Variants in CACNA1H observed in about 807,000 individuals in gnomAD.
CACNA1H encodes the protein calcium voltage-gated channel subunit alpha1 H.
CACNA1H carries 149 observed loss-of-function variants against 192.5 expected under a neutral mutation model. That is an observed-to-expected ratio of 0.77 (90% CI 0.68 to 0.89). The LOEUF (loss-of-function observed/expected upper bound fraction) is 0.89, where lower values mean the gene tolerates loss of function less well. Ranked by LOEUF, CACNA1H falls within the 40% of genes least tolerant of loss-of-function variation. The probability of loss-of-function intolerance (pLI) is 0.00; values close to 1 mark genes in which losing one functional copy is unlikely to be tolerated. For synonymous variants in CACNA1H, 2,202 were observed against 1,475.2 expected (o/e 1.49, Z -11.29); for missense variants, 4,257 against 3,423.5 (o/e 1.24, Z -6.08).
intron 2 of CACNA1H, among the ~76,000 whole-genome samples, chr16:1,193,036 A>G (rs1321745600): frequency 6.6e-6 from 1 of 152,138 alleles, no homozygotes; most frequent in Admixed American, 6.5e-5. Flanking sequence ...AGTGCCACCT[A>G]CAAGACCCCT....
intron 2 of CACNA1H, among the ~76,000 whole-genome samples, chr16:1,193,335 T>C (rs1465237120): frequency 1.3e-5 from 2 of 152,240 alleles, no homozygotes; most frequent in African/African-American, 4.8e-5. Flanking sequence ...CTTGCACTAG[T>C]GCCGGGTCAG....
In CACNA1H at chr16:1,208,002, C is replaced by T. The variant is rs371691311; in HGVS notation, c.3155-11C>T. 2.5e-6 allele frequency: 4 copies of T among 1,595,500 alleles called. No homozygotes were observed. The highest frequency in any genetic ancestry group is 3.4e-6 in the Non-Finnish European group (4 of 1,171,762). ...CAGCTCTAGGGGCCCATTCCTCCCT[C>T]TGTCCCGCAGAGCTGAAGATGTGTT... is the stretch of plus-strand genomic sequence containing the variant. On this transcript the variant is annotated splice_polypyrimidine_tract_variant and intron_variant, in intron 15 of 34. Coordinates refer to ENST00000348261, the MANE Select transcript of CACNA1H (RefSeq NM_021098.3).
At position 1,220,027 on chromosome 16, in the gene CACNA1H, G is replaced by C. The variant is rs909790756; in HGVS notation, c.6095G>C (p.Arg2032Thr). Residue 2032 changes from arginine (R) to threonine (T), a missense_variant, in exon 35 of 35, where the codon AGG becomes ACG. Physicochemically the swap from Arg to Thr is moderately conservative, Grantham distance 71. Coordinates refer to ENST00000348261, the MANE Select transcript of CACNA1H (RefSeq NM_021098.3). ...DSLEGKIDSPRDTLDPAEPGE... is the reference protein window; with the variant it reads ...DSLEGKIDSPTDTLDPAEPGE... ...TTGGAAGGGAAGATTGACAGCCCTA[G>C]GGACACCCTGGATCCTGCAGAGCCT... 4.3e-6 allele frequency: 6 copies of C among 1,406,164 alleles called. No homozygotes were observed. The highest frequency in any genetic ancestry group is 5.6e-6 in the Non-Finnish European group (6 of 1,079,736). The allele number at this position is 1,406,164 out of a possible 1,614,324, so 87.1% of individuals were successfully genotyped here. A position where few individuals can be genotyped will look rare whatever the true frequency, so the allele number is the denominator to read the frequency against.
chr16:1,187,698 G>A lies in CACNA1H; in HGVS notation c.300-7274G>A, dbSNP rs557750238. On this transcript the variant is annotated intron_variant, in intron 2 of 34. Transcript: ENST00000348261. ...CTGGAGGCCACAGCCCTGCTTGGGG[G>A]CCACTCTGACCATAGAGGAGGAGCC... Among the ~76,000 whole-genome samples, 886 of 152,258 alleles carry A rather than the reference G, an allele frequency of 5.8e-3. 11 individuals carry two copies. Among genetic ancestry groups the A allele is most frequent in the African/African-American group, 0.019 (782 of 41,544 alleles).
Position 1,207,371 on chromosome 16 carries a change from G to A in CACNA1H, c.3004G>A (p.Gly1002Ser), listed in dbSNP as rs2141308474. ...ALYFVALMTFGNYVLFNLLVA... is the reference protein window; with the variant it reads ...ALYFVALMTFSNYVLFNLLVA... ...CTACTTCGTGGCCCTCATGACCTTC[G>A]GCAACTATGTGCTCTTCAACCTGCT... The change falls in exon 14 of 35, where the codon GGC becomes AGC. Residue 1002 changes from glycine (G) to serine (S), a missense_variant. Transcript: ENST00000348261. 3.1e-6 allele frequency: 5 copies of A among 1,613,198 alleles called. No individual in the cohort carries two copies. The highest frequency in any genetic ancestry group is 1.1e-5 in the South Asian group (1 of 91,046).
At position 1,207,144 on chromosome 16, in the gene CACNA1H, T is replaced by C. The variant is rs559634973; in HGVS notation, c.2907+26T>C. 12 of 1,557,052 alleles carry C rather than the reference T, an allele frequency of 7.7e-6. No individual in the cohort carries two copies. In the East Asian group the frequency reaches 2.9e-4, roughly 37 times the overall value. ...GTAGTGCCCGGGGTCCCCGCAGCAGTGTTGGGTGCTGAGTGTGGTCCCCAG... is the reference window on the plus strand; with the variant it reads ...GTAGTGCCCGGGGTCCCCGCAGCAGCGTTGGGTGCTGAGTGTGGTCCCCAG... On this transcript the variant is annotated intron_variant, in intron 13 of 34. Transcript: ENST00000348261.
At chr16:1,205,534 G>T (rs573904278) in intron 11 of CACNA1H, among the ~76,000 whole-genome samples, 1 of 152,344 alleles carries the variant, frequency 6.6e-6, no homozygotes, top group African/African-American at 2.4e-5. Context: ...CTAGAAACTA[G>T]CGGAGCTGTT....
chr16:1,187,081 C>T (rs1222647002), intron 2 of CACNA1H, among the ~76,000 whole-genome samples: 1 of 152,270 alleles, frequency 6.6e-6, no homozygotes, highest in Non-Finnish European at 1.5e-5. Flanking sequence ...CCGCGACCGT[C>T]CCCTCCGCAC....
chr16:1,217,079 TCA>T (rs1238768368), intron 31 of CACNA1H, 69 bp downstream of exon 31: 6 of 1,335,110 alleles, frequency 4.5e-6, no homozygotes, highest in East Asian at 2.5e-5. Context: ...GCCCATCCAC[TCA>T]CACGCAGGCA....
rs899563797 is a variant in CACNA1H, at chr16:1,200,117, C to T, written c.804-139C>T. 26 of 702,594 alleles carry T rather than the reference C, an allele frequency of 3.7e-5. No homozygotes were observed. The East Asian group carries it at 4.4e-4, about 12-fold the overall frequency. The allele number at this position is 702,594 out of a possible 1,614,324, so 43.5% of individuals were successfully genotyped here. A position where few individuals can be genotyped will look rare whatever the true frequency, so the allele number is the denominator to read the frequency against. On this transcript the variant is annotated intron_variant, in intron 6 of 34. Coordinates refer to ENST00000348261, the MANE Select transcript of CACNA1H (RefSeq NM_021098.3). ...GCCCCCTGACCCTAACCGTGCCTCC[C>T]TAACCATGATTAGTCCACTGGCCCT...
At chr16:1,203,373 C>T (rs1968234087) in intron 9 of CACNA1H, among the ~76,000 whole-genome samples, 1 of 151,956 alleles carries the variant, frequency 6.6e-6, no homozygotes, top group Non-Finnish European at 1.5e-5. Context: ...TGTGCTGTGG[C>T]TGCTGGGAAG....
Position 1,211,503 on chromosome 16 carries a change from A to G in CACNA1H, c.4373A>G (p.Tyr1458Cys). The G allele has an allele frequency of 1.2e-6, 2 of 1,612,430 alleles. No individual in the cohort carries two copies. Among genetic ancestry groups the G allele is most frequent in the Middle Eastern group, 1.6e-4 (1 of 6,062 alleles). The change falls in exon 23 of 35, where the codon TAC (tyrosine) becomes TGC (cysteine). Residue 1458 changes from tyrosine (Y) to cysteine (C), a missense_variant. Coordinates refer to ENST00000348261, the MANE Select transcript of CACNA1H (RefSeq NM_021098.3). ...CAGCTCTTCAAAGGGAAGTTCTACT[A>G]CTGCGAGGGCCCCGACACCAGGAAC... The part of the protein sequence containing the change: ...GVQLFKGKFY[Y>C]CEGPDTRNIS...
intron 2 of CACNA1H, among the ~76,000 whole-genome samples, chr16:1,182,758 G>GC (rs1313648094): frequency 1.3e-5 from 2 of 152,122 alleles, no homozygotes; most frequent in East Asian, 3.9e-4. Flanking sequence ...AGAGCTCGCA[G>GC]CCCCCCGACG....
At chr16:1,200,869 G>T (rs935523360) in intron 8 of CACNA1H, 61 bp downstream of exon 8, 1 of 1,361,396 alleles carries the variant, frequency 7.3e-7, no homozygotes, top group Non-Finnish European at 1.0e-6. Context: ...TGGGGGTGGG[G>T]TGGGGTACCT....
chr16:1,176,391 C>A (rs983239491), intron 2 of CACNA1H, among the ~76,000 whole-genome samples: 1 of 152,166 alleles, frequency 6.6e-6, no homozygotes, highest in Non-Finnish European at 1.5e-5. Flanking sequence ...GAGGGCTGTC[C>A]CCGCAGAGTG....
At chr16:1,208,254 C>A (rs760351538) in intron 16 of CACNA1H, 33 bp downstream of exon 16, 9 of 1,487,392 alleles carry the variant, frequency 6.1e-6, no homozygotes, top group Non-Finnish European at 8.2e-6. Context: ...GCTCTCAGGC[C>A]CCTTCAGGTT....
chr16:1,212,521 C>T lies in CACNA1H; in HGVS notation c.4770C>T (p.Pro1590=). 12 of 1,611,128 alleles carry T rather than the reference C, an allele frequency of 7.4e-6. No individual in the cohort carries two copies. The highest frequency in any genetic ancestry group is 1.1e-5 in the South Asian group (1 of 90,760). The change falls in exon 26 of 35, where the codon CCC becomes CCT. Residue 1590 remains proline, a synonymous_variant. Coordinates refer to ENST00000348261, the MANE Select transcript of CACNA1H (RefSeq NM_021098.3). ...RLERRRRSTF[P]SPEAQRRPYY... ...TCCTTGTCTTTCCAGGCACTTTCCC[C>T]AGCCCAGGTACCGGCCCTGTCCCGC...
rs1567534139 is a variant in CACNA1H at position 1,209,118 on chromosome 16, T to C, written c.3450T>C (p.Arg1150=). 1.3e-6 allele frequency: 2 copies of C among 1,555,042 alleles called. No homozygotes were observed. Among genetic ancestry groups the C allele is most frequent in the African/African-American group, 1.4e-5 (1 of 73,182 alleles). The change falls in exon 17 of 35, where the codon CGT becomes CGC. Residue 1150 remains arginine (R), a synonymous_variant. Transcript: ENST00000348261. ...SRRSSWSSLG[R]APSLKRRGQC... ...GCTCCAGCTGGAGCAGCCTGGGCCG[T>C]GCCCCCAGCCTCAAGCGCCGCGGCC... is the stretch of plus-strand genomic sequence containing the variant.
intron 2 of CACNA1H, among the ~76,000 whole-genome samples, chr16:1,177,512 G>T (rs1965009757): frequency 6.6e-6 from 1 of 152,326 alleles, no homozygotes; most frequent in African/African-American, 2.4e-5. Flanking sequence ...TCTGACCGGG[G>T]CAGAGAGTGG....
Sources: gnomAD v4.1 joint callset for allele counts (sites outside exome capture counted in the v4.1 genomes callset) on GRCh38, gnomAD v4.1.1 for gene constraint, MANE v1.5 for transcripts, NCBI Gene and HGNC (gene_info 2026-07-23, HGNC 2026-07-21) for gene names.